CSMD1: variants seen among roughly 807,000 people sequenced by gnomAD.
The protein encoded by CSMD1 is CUB and sushi domain-containing protein 1.
CSMD1 carries 213 observed loss-of-function variants against 417.5 expected under a neutral mutation model. The observed-to-expected ratio is 0.51, with a 90% CI of 0.46 to 0.57. The LOEUF (loss-of-function observed/expected upper bound fraction) is 0.57, where lower values mean the gene tolerates loss of function less well. Ranked by LOEUF, CSMD1 falls within the 20% of genes least tolerant of loss-of-function variation. The pLI is 0.00. For synonymous variants in CSMD1, 2,862 were observed against 1,736.8 expected, an observed-to-expected ratio of 1.65 and a Z score of -16.11; for missense variants, 6,923 against 4,529.7, an observed-to-expected ratio of 1.53 and a Z score of -15.17.
chr8:4,831,854 C>G (rs940417576), intron 1 of CSMD1, among the ~76,000 whole-genome samples: 1 of 152,016 alleles, frequency 6.6e-6, no homozygotes, highest in Non-Finnish European at 1.5e-5. Flanking sequence ...CAGTGTGTGC[C>G]ACATCCAGAA....
intron 1 of CSMD1, among the ~76,000 whole-genome samples, chr8:4,875,658 C>G (rs542978366): frequency 4.5e-4 from 69 of 152,214 alleles, no homozygotes; most frequent in African/African-American, 1.3e-3. Context: ...GAAATTACAA[C>G]AAATCTGAGA....
intron 1 of CSMD1, among the ~76,000 whole-genome samples, chr8:4,720,023 A>C (rs77939104): frequency 0.078 from 11,855 of 152,156 alleles, 672 homozygotes; most frequent in African/African-American, 0.15. Flanking sequence ...GCTTACTTAC[A>C]GATCATTAAA....
chr8:4,782,707 G>A (rs116918595), intron 1 of CSMD1, among the ~76,000 whole-genome samples: 4 of 151,900 alleles, frequency 2.6e-5, no homozygotes, highest in Non-Finnish European at 4.4e-5. Context: ...TATCTTTGTC[G>A]CTTTAATTTG....
chr8:3,780,877 G>A (rs1295738955), intron 5 of CSMD1, among the ~76,000 whole-genome samples: 1 of 152,208 alleles, frequency 6.6e-6, no homozygotes, highest in African/African-American at 2.4e-5. Flanking sequence ...GAGATTTGCA[G>A]AGTGTGGAAG....
intron 7 of CSMD1, among the ~76,000 whole-genome samples, chr8:3,678,574 G>C (rs1038025459): frequency 6.6e-6 from 1 of 152,134 alleles, no homozygotes; most frequent in Non-Finnish European, 1.5e-5. Context: ...GTGTACCTGA[G>C]AGTGACGGGG....
intron 3 of CSMD1, among the ~76,000 whole-genome samples, chr8:4,317,604 GGAGAGAGAGAGAAAGAGAGAGA>G (rs751180899): frequency 6.6e-6 from 1 of 151,778 alleles, no homozygotes; most frequent in Admixed American, 6.6e-5. Context: ...AGGAGAGAGG[GGAGAGAGAGAGAAAGAGAGAGA>G]GAGAGAGACA....
intron 3 of CSMD1, among the ~76,000 whole-genome samples, chr8:4,289,320 C>T (rs11784668): frequency 2.0e-5 from 3 of 152,180 alleles, no homozygotes; most frequent in African/African-American, 2.4e-5. Context: ...ATTGCTATCA[C>T]GTAACTCCCA....
rs1226307431 is a variant in CSMD1, at chr8:4,145,418, G to C, written c.416-113319C>G. Among the ~76,000 whole-genome samples, 5 of 151,086 alleles carry C rather than the reference G, an allele frequency of 3.3e-5. No individual in the cohort carries two copies. The East Asian group carries it at 9.6e-4, about 29-fold the overall frequency. ...TCTTTGGGCAATTGTGACTTAATCT[G>C]GGAAAAGTGACTTAATCTACAGGTT... On this transcript the variant is annotated intron_variant, in intron 3 of 69. Coordinates refer to ENST00000635120, the MANE Select transcript of CSMD1 (RefSeq NM_033225.6).
chr8:3,565,498 A>T (rs957130101), intron 10 of CSMD1, among the ~76,000 whole-genome samples: 2 of 152,200 alleles, frequency 1.3e-5, no homozygotes, highest in Non-Finnish European at 2.9e-5. Flanking sequence ...TTCCAATCAC[A>T]TTTCAAAATG....
At chr8:4,065,269 C>T (rs905137649) in intron 3 of CSMD1, among the ~76,000 whole-genome samples, 17 of 152,206 alleles carry the variant, frequency 1.1e-4, no homozygotes, top group African/African-American at 3.9e-4. Flanking sequence ...GAACCACTGA[C>T]TCTGTTGGGC....
intron 1 of CSMD1, among the ~76,000 whole-genome samples, chr8:4,830,264 G>C (rs939873938): frequency 3.9e-5 from 6 of 152,150 alleles, no homozygotes; most frequent in African/African-American, 1.4e-4. Flanking sequence ...ATGAATTCAA[G>C]CTTGGTAAAG....
At position 4,728,451 on chromosome 8, in the gene CSMD1, A is replaced by G. The variant is rs17071137; in HGVS notation, c.86-90893T>C. Among the ~76,000 whole-genome samples the G allele has an allele frequency of 2.6e-5, 4 of 152,200 alleles. No homozygotes were observed. In the East Asian group the frequency reaches 5.8e-4, roughly 22 times the overall value. On this transcript the variant is annotated intron_variant, in intron 1 of 69. Transcript: ENST00000635120. Reference sequence around the variant, plus strand: ...AAGAAGCATTTCAGTCTTGTTACCAATTGAACGTATATTGCACAGCAGAGT... The same window carrying G: ...AAGAAGCATTTCAGTCTTGTTACCAGTTGAACGTATATTGCACAGCAGAGT...
At chr8:4,369,131 T>C (rs1802258449) in intron 3 of CSMD1, among the ~76,000 whole-genome samples, 1 of 152,122 alleles carries the variant, frequency 6.6e-6, no homozygotes, top group South Asian at 2.1e-4. Context: ...TTCCCAGAGA[T>C]TCTGGTATTT....
chr8:3,801,753 C>G (rs908116163), intron 5 of CSMD1, among the ~76,000 whole-genome samples: 14 of 152,186 alleles, frequency 9.2e-5, no homozygotes, highest in African/African-American at 2.9e-4. Flanking sequence ...TCTGGACAAA[C>G]TAATATAGCA....
intron 1 of CSMD1, among the ~76,000 whole-genome samples, chr8:4,906,786 T>C (rs1805310753): frequency 1.3e-5 from 2 of 152,178 alleles, no homozygotes; most frequent in Admixed American, 6.5e-5. Context: ...TCTCCAACTC[T>C]TGACCTCGTG....
chr8:4,321,050 A>G (rs966621808), intron 3 of CSMD1, among the ~76,000 whole-genome samples: 1 of 152,112 alleles, frequency 6.6e-6, no homozygotes, highest in African/African-American at 2.4e-5. Flanking sequence ...ATTTTGTTTT[A>G]CACACAGATC....
intron 11 of CSMD1, among the ~76,000 whole-genome samples, chr8:3,492,849 G>C (rs533376053): frequency 1.3e-5 from 2 of 151,786 alleles, no homozygotes; most frequent in South Asian, 4.2e-4. Context: ...CCCCATGTCT[G>C]TTACTTTATT....
intron 12 of CSMD1, among the ~76,000 whole-genome samples, chr8:3,465,973 C>T (rs1004121015): frequency 3.3e-5 from 5 of 152,070 alleles, no homozygotes; most frequent in African/African-American, 9.7e-5. Flanking sequence ...AGAAGGGGTG[C>T]TTACAATTCA....
chr8:4,262,380 GA>G (rs1360245155), intron 3 of CSMD1, among the ~76,000 whole-genome samples: 1 of 152,304 alleles, frequency 6.6e-6, no homozygotes, highest in African/African-American at 2.4e-5. Flanking sequence ...AGGCTGAAAG[GA>G]ATCCCAAACC....
Sources: allele counts gnomAD v4.1 joint callset (sites outside exome capture counted in the v4.1 genomes callset), GRCh38; gene constraint gnomAD v4.1.1; transcripts MANE v1.5; gene names NCBI Gene and HGNC (gene_info 2026-07-23, HGNC 2026-07-21).